Variants in JPH1 observed in about 807,000 individuals in gnomAD.
JPH1 encodes the protein junctophilin-1.
In JPH1, 12 loss-of-function variants were observed where a neutral mutation model predicts 53.6. That is an observed-to-expected ratio of 0.22 (90% CI 0.14 to 0.36). JPH1 has a LOEUF of 0.36. Ranked by LOEUF, JPH1 falls within the 10% of genes least tolerant of loss-of-function variation. The probability of loss-of-function intolerance (pLI) is 1.00; values close to 1 mark genes in which losing one functional copy is unlikely to be tolerated. For missense variants in JPH1, 808 were observed against 905.5 expected, an observed-to-expected ratio of 0.89 and a Z score of 1.38; for synonymous variants, 375 against 363.8, an observed-to-expected ratio of 1.03 and a Z score of -0.35.
At position 74,252,984 on chromosome 8, in the gene JPH1, G is replaced by A. The variant is rs569619008; in HGVS notation, c.1258+6401C>T. Among the ~76,000 whole-genome samples, 119 of 152,042 alleles carry A rather than the reference G, an allele frequency of 7.8e-4. 2 individuals are homozygous for A. The highest frequency in any genetic ancestry group is 2.8e-3 in the African/African-American group (114 of 41,396). ...CACTGTCAACATTAGACAGATCAAC[G>A]AGACAGAAAGTCAACAAGGATACCC... On this transcript the variant is annotated intron_variant, in intron 3 of 5. Transcript: ENST00000342232.
In JPH1 at chr8:74,315,654, G is replaced by C. The variant is rs747755980; in HGVS notation, c.380-34C>G. ...GACCGCAAGAAAGCACCGTGAGTCG[G>C]GGGCAGAGCTGCACCGTCACCTGCA... is the stretch of plus-strand genomic sequence containing the variant. On this transcript the variant is annotated intron_variant, in intron 1 of 5. Transcript: ENST00000342232. The surrounding 1 kb of genome is among the most constrained non-coding windows in gnomAD (Gnocchi z 6.3). The C allele has an allele frequency of 3.2e-6, 5 of 1,555,744 alleles. No individual in the cohort carries two copies. In the African/African-American group the frequency reaches 5.4e-5, roughly 17 times the overall value.
rs1805792324 is a variant in JPH1, at chr8:74,244,594, G to A, written c.1840C>T (p.Leu614Phe). 6.8e-6 allele frequency: 11 copies of A among 1,614,194 alleles called. No homozygotes were observed. The highest frequency in any genetic ancestry group is 1.7e-5 in the Admixed American group (1 of 60,024). The stretch of plus-strand genomic sequence containing the variant: ...CTTGCTGGATTCTTTGGTATAGCAA[G>A]TTCAGACTTCTTAGCTTTTGGCTCA... ...KAEPKAKKSELAIPKNPASND... is the reference protein window; with the variant it reads ...KAEPKAKKSEFAIPKNPASND... The change falls in exon 4 of 6, where the codon CTT becomes TTT. Residue 614 changes from leucine (L) to phenylalanine (F), a missense_variant. Physicochemically the swap from Leu to Phe is conservative, Grantham distance 22. Transcript: ENST00000342232.
rs1325125796 is a variant in JPH1 at position 74,320,456 on chromosome 8, G to C, written c.379+453C>G. The stretch of plus-strand genomic sequence containing the variant: ...GTGAAACCAATCCCGGGAGCGGTCA[G>C]CACGGACCGCCAACCTCACCCGCTC... On this transcript the variant is annotated intron_variant, in intron 1 of 5. Coordinates refer to ENST00000342232, the MANE Select transcript of JPH1 (RefSeq NM_020647.4). The surrounding 1 kb of genome is among the most constrained non-coding windows in gnomAD (Gnocchi z 4.4). Among the ~76,000 whole-genome samples, 1 of 152,212 alleles carries C rather than the reference G, an allele frequency of 6.6e-6. No individual in the cohort carries two copies. The highest frequency in any genetic ancestry group is 2.4e-5 in the African/African-American group (1 of 41,458).
intron 2 of JPH1, among the ~76,000 whole-genome samples, chr8:74,308,758 T>C (rs1443486738): frequency 6.6e-6 from 1 of 152,124 alleles, no homozygotes; most frequent in Non-Finnish European, 1.5e-5. Context: ...AAACTTCCAC[T>C]ATGAAGGAAC....
In JPH1 at chr8:74,304,366, A is replaced by C. The variant is rs370794029; in HGVS notation, c.1139+10495T>G. 7.2e-5 allele frequency among the ~76,000 whole-genome samples: 11 copies of C among 152,216 alleles called. 1 individual carries two copies. In the East Asian group the frequency reaches 1.9e-3, roughly 27 times the overall value. ...CAGGGCATTTGAGTCTTTACAAAGT[A>C]ATCTATTAGTCCACAGTTCAACTGA... is the stretch of plus-strand genomic sequence containing the variant. On this transcript the variant is annotated intron_variant, in intron 2 of 5. Transcript: ENST00000342232.
In JPH1 at chr8:74,321,442, C is replaced by T. The variant is rs984226203; in HGVS notation, c.-155G>A. 2.0e-5 allele frequency: 13 copies of T among 635,086 alleles called. No individual in the cohort carries two copies. The Admixed American group carries it at 5.6e-4, about 28-fold the overall frequency. 39.3% of individuals were successfully genotyped at this position (635,086 alleles called of 1,614,324 possible). On this transcript the variant is annotated 5_prime_UTR_variant, in exon 1 of 6. Coordinates refer to ENST00000342232, the MANE Select transcript of JPH1 (RefSeq NM_020647.4). The surrounding 1 kb of genome is among the most constrained non-coding windows in gnomAD (Gnocchi z 4.3). ...CCGCTCGGCTCCAGTCCGACGCCGC[C>T]CCCGTCCTCCCTCCTCTTTTGCCGC...
chr8:74,288,877 T>C (rs915525401), intron 2 of JPH1, among the ~76,000 whole-genome samples: 2 of 152,266 alleles, frequency 1.3e-5, no homozygotes, highest in Admixed American at 6.5e-5. Context: ...AATAACCTTT[T>C]GTTTGCACAT....
chr8:74,278,785 G>A (rs1806922828), intron 2 of JPH1, among the ~76,000 whole-genome samples: 3 of 152,188 alleles, frequency 2.0e-5, no homozygotes, highest in South Asian at 2.1e-4. Flanking sequence ...ACTTAATGGG[G>A]TGCTGGTCAA....
At chr8:74,298,762 A>G (rs1223885634) in intron 2 of JPH1, among the ~76,000 whole-genome samples, 1 of 152,210 alleles carries the variant, frequency 6.6e-6, no homozygotes, top group African/African-American at 2.4e-5. Context: ...TTCCTACAAC[A>G]GCATTCATTT....
chr8:74,291,256 A>C (rs1390878519), intron 2 of JPH1, among the ~76,000 whole-genome samples: 1 of 152,254 alleles, frequency 6.6e-6, no homozygotes, highest in Non-Finnish European at 1.5e-5. Flanking sequence ...AATATCCAGA[A>C]TCTACAAAGA....
chr8:74,304,019 G>T (rs184751352), intron 2 of JPH1, among the ~76,000 whole-genome samples: 36 of 152,244 alleles, frequency 2.4e-4, no homozygotes, highest in Non-Finnish European at 4.9e-4. Flanking sequence ...ACTGTCCTTT[G>T]CACCCACCTC....
chr8:74,276,600 T>C (rs1806856278), intron 2 of JPH1, among the ~76,000 whole-genome samples: 1 of 152,256 alleles, frequency 6.6e-6, no homozygotes, highest in Non-Finnish European at 1.5e-5. Context: ...CAGGTTTAAC[T>C]AGCATTATCT....
intron 2 of JPH1, among the ~76,000 whole-genome samples, chr8:74,265,825 T>C (rs1386319552): frequency 6.6e-6 from 1 of 152,026 alleles, no homozygotes; most frequent in Non-Finnish European, 1.5e-5. Context: ...TAAACATTTC[T>C]GCAAAGAGAC....
intron 3 of JPH1, among the ~76,000 whole-genome samples, chr8:74,252,558 T>A (rs1038218693): frequency 2.6e-5 from 4 of 151,840 alleles, no homozygotes; most frequent in African/African-American, 9.7e-5. Context: ...TAACCTTAAA[T>A]GGAAATGGGC....
chr8:74,255,070 A>G (rs1210709518), intron 3 of JPH1, among the ~76,000 whole-genome samples: 2 of 152,220 alleles, frequency 1.3e-5, no homozygotes, highest in African/African-American at 4.8e-5. Context: ...GAACCAAAAA[A>G]GAGCCTGCAT....
Position 74,238,036 on chromosome 8 carries a change from T to C in JPH1, c.1906-733A>G, listed in dbSNP as rs115783114. On this transcript the variant is annotated intron_variant, in intron 4 of 5. Coordinates refer to ENST00000342232, the MANE Select transcript of JPH1 (RefSeq NM_020647.4). ...TTTTACTTGTTTAAACAAACCAACC[T>C]CATATAACCCATCTTTTCAGATCTG... 9.1e-3 allele frequency among the ~76,000 whole-genome samples: 1,390 copies of C among 152,314 alleles called. 23 individuals are homozygous for C. The highest frequency in any genetic ancestry group is 0.032 in the African/African-American group (1,319 of 41,560).
intron 3 of JPH1, among the ~76,000 whole-genome samples, chr8:74,256,286 A>G (rs55673384): frequency 0.014 from 2,130 of 152,042 alleles, 66 homozygotes; most frequent in African/African-American, 0.049. Context: ...GCAAACTATC[A>G]CAAGGACAAA....
chr8:74,278,983 A>ACG (rs1226263360), intron 2 of JPH1, among the ~76,000 whole-genome samples: 3 of 131,292 alleles, frequency 2.3e-5, no homozygotes, highest in South Asian at 2.7e-4. Context: ...ACACACGCAC[A>ACG]CGCGCGCACA....
chr8:74,254,262 C>A (rs1304527284), intron 3 of JPH1, among the ~76,000 whole-genome samples: 1 of 152,036 alleles, frequency 6.6e-6, no homozygotes, highest in Non-Finnish European at 1.5e-5. Flanking sequence ...TAAACGTAAT[C>A]CAGCATATAA....
Sources: allele counts gnomAD v4.1 joint callset (sites outside exome capture counted in the v4.1 genomes callset), GRCh38; gene constraint gnomAD v4.1.1; non-coding constraint Gnocchi (gnomAD v3.1); transcripts MANE v1.5; gene names NCBI Gene and HGNC (gene_info 2026-07-23, HGNC 2026-07-21).